GULP1: variants seen among roughly 807,000 people sequenced by gnomAD.
GULP1 encodes the protein PTB domain-containing engulfment adapter protein 1.
GULP1 carries 19 observed loss-of-function variants against 40.9 expected under a neutral mutation model. That is an observed-to-expected ratio of 0.46 (90% CI 0.32 to 0.68). The LOEUF (loss-of-function observed/expected upper bound fraction) is 0.68, where lower values mean the gene tolerates loss of function less well. GULP1 is among the 30% of genes least tolerant of loss of function. The pLI is 0.03. For missense variants in GULP1, 312 were observed against 362.2 expected (o/e 0.86, Z 1.12); for synonymous variants, 119 against 117.6 (o/e 1.01, Z -0.08).
At chr2:188,479,776 A>T (rs1426470295) in intron 3 of GULP1, among the ~76,000 whole-genome samples, 1 of 152,056 alleles carries the variant, frequency 6.6e-6, no homozygotes, top group Non-Finnish European at 1.5e-5. Context: ...ATGGTTTTTC[A>T]TTGAGAAATC....
At chr2:188,409,163 GACA>G (rs2053542410) in intron 2 of GULP1, among the ~76,000 whole-genome samples, 1 of 151,862 alleles carries the variant, frequency 6.6e-6, no homozygotes, top group African/African-American at 2.4e-5. Context: ...TGGAGAATAG[GACA>G]ACAATAACAA....
chr2:188,366,977 A>G (rs1001624667), intron 1 of GULP1, among the ~76,000 whole-genome samples: 2 of 152,190 alleles, frequency 1.3e-5, no homozygotes, highest in African/African-American at 2.4e-5. Flanking sequence ...CATTTCAGAT[A>G]CTTTCCTCTA....
At chr2:188,357,224 A>G (rs1195778331) in intron 1 of GULP1, among the ~76,000 whole-genome samples, 1 of 152,196 alleles carries the variant, frequency 6.6e-6, no homozygotes, top group East Asian at 1.9e-4. Context: ...TATCAAAGTA[A>G]AAGGCTTATG....
chr2:188,513,770 A>G (rs1049820091), intron 4 of GULP1, among the ~76,000 whole-genome samples: 1 of 150,330 alleles, frequency 6.7e-6, no homozygotes, highest in Non-Finnish European at 1.5e-5. Flanking sequence ...GATATTTCTT[A>G]AAAAAAAATT....
intron 1 of GULP1, among the ~76,000 whole-genome samples, chr2:188,353,622 C>T (rs188551611): frequency 6.6e-6 from 1 of 151,930 alleles, no homozygotes; most frequent in African/African-American, 2.4e-5. Context: ...GTCACCGCTG[C>T]CTGTGCATGA....
chr2:188,585,732 C>G (rs532005773), intron 10 of GULP1, among the ~76,000 whole-genome samples: 2 of 152,262 alleles, frequency 1.3e-5, no homozygotes, highest in Admixed American at 6.5e-5. Context: ...ATTTTTTCCT[C>G]TTAGGCCTCT....
chr2:188,367,559 G>A (rs2152418084), intron 1 of GULP1, among the ~76,000 whole-genome samples: 1 of 152,338 alleles, frequency 6.6e-6, no homozygotes, highest in Admixed American at 6.5e-5. Flanking sequence ...GGTCTGCCAT[G>A]CCAGTGAATG....
chr2:188,464,574 CTG>C (rs2059964417), intron 2 of GULP1, among the ~76,000 whole-genome samples: 3 of 152,188 alleles, frequency 2.0e-5, no homozygotes, highest in Admixed American at 2.0e-4. Context: ...CCAGCCAGGC[CTG>C]TGTTCTTTCC....
rs2055590971 is a variant in GULP1, at chr2:188,422,539, A to G, written c.-45+38650A>G. Among the ~76,000 whole-genome samples, 3 of 152,008 alleles carry G rather than the reference A, an allele frequency of 2.0e-5. No individual in the cohort carries two copies. The South Asian group carries it at 6.2e-4, about 32-fold the overall frequency. On this transcript the variant is annotated intron_variant, in intron 2 of 11. Coordinates refer to ENST00000409830, the MANE Select transcript of GULP1 (RefSeq NM_016315.4). Reference sequence around the variant, plus strand: ...TACTATTTAGCGAACATGTAATTTAATAATGAAAACTTAAGATTTGCTTTT... The same window carrying G: ...TACTATTTAGCGAACATGTAATTTAGTAATGAAAACTTAAGATTTGCTTTT...
At chr2:188,563,761 C>A (rs1696946547) in intron 7 of GULP1, among the ~76,000 whole-genome samples, 2 of 151,808 alleles carry the variant, frequency 1.3e-5, no homozygotes, top group African/African-American at 2.4e-5. Context: ...AATAAAGTTA[C>A]AGTTCCAAAT....
At chr2:188,437,838 C>T (rs1008969766) in intron 2 of GULP1, among the ~76,000 whole-genome samples, 5 of 152,022 alleles carry the variant, frequency 3.3e-5, no homozygotes, top group Admixed American at 6.6e-5. Flanking sequence ...AACCAAATAC[C>T]GCATATTCTC....
intron 7 of GULP1, among the ~76,000 whole-genome samples, chr2:188,548,140 A>G (rs1692467327): frequency 6.6e-6 from 1 of 152,082 alleles, no homozygotes. Flanking sequence ...CAGCAAGACA[A>G]AAAAGCATAT....
At chr2:188,543,469 C>T (rs1355761851) in intron 7 of GULP1, among the ~76,000 whole-genome samples, 1 of 152,076 alleles carries the variant, frequency 6.6e-6, no homozygotes, top group East Asian at 1.9e-4. Context: ...TTTGTTATAC[C>T]TGCACTATCT....
chr2:188,503,415 G>GGA (rs1457235504), intron 4 of GULP1, among the ~76,000 whole-genome samples: 134 of 151,608 alleles, frequency 8.8e-4, no homozygotes, highest in African/African-American at 3.1e-3. Context: ...GAAGGTGGCA[G>GGA]GAGAGAGAGA....
At chr2:188,481,105 C>G (rs2061414279) in intron 3 of GULP1, among the ~76,000 whole-genome samples, 1 of 151,804 alleles carries the variant, frequency 6.6e-6, no homozygotes, top group Non-Finnish European at 1.5e-5. Flanking sequence ...TGATATTTGT[C>G]AAATATGTTG....
intron 7 of GULP1, among the ~76,000 whole-genome samples, chr2:188,561,869 G>A (rs746635925): frequency 7.9e-5 from 12 of 152,060 alleles, no homozygotes; most frequent in African/African-American, 1.2e-4. Context: ...CTCAGCCCCC[G>A]CTACAGGAGC....
chr2:188,332,648 C>T (rs1297455290), intron 1 of GULP1, among the ~76,000 whole-genome samples: 1 of 152,026 alleles, frequency 6.6e-6, no homozygotes, highest in African/African-American at 2.4e-5. Context: ...GGGGTGGTTT[C>T]ACTGCAGAGT....
intron 2 of GULP1, among the ~76,000 whole-genome samples, chr2:188,468,478 G>T (rs2060311194): frequency 6.6e-6 from 1 of 152,076 alleles, no homozygotes; most frequent in Admixed American, 6.6e-5. Context: ...CATTTGATTT[G>T]TAATTCAACA....
At chr2:188,523,444 T>C (rs1320712554) in intron 5 of GULP1, among the ~76,000 whole-genome samples, 1 of 152,224 alleles carries the variant, frequency 6.6e-6, no homozygotes, top group African/African-American at 2.4e-5. Flanking sequence ...ACCATGTTTT[T>C]CTAATTGTTC....
Sources: allele counts gnomAD v4.1 joint callset (sites outside exome capture counted in the v4.1 genomes callset), GRCh38; gene constraint gnomAD v4.1.1; transcripts MANE v1.5; gene names NCBI Gene and HGNC (gene_info 2026-07-23, HGNC 2026-07-21).